The following SIX5 variants were observed in gnomAD, a reference collection of about 807,000 sequenced individuals.
SIX5 encodes SIX homeobox 5, also known as homeobox protein SIX5.
A neutral mutation model predicts 37.1 loss-of-function variants in SIX5; 21 were observed. That is an observed-to-expected ratio of 0.57 (90% CI 0.40 to 0.81). SIX5 has a LOEUF of 0.81. Among genes scored for constraint, SIX5 ranks in the 40% least tolerant of loss-of-function variants. The probability of loss-of-function intolerance (pLI) is 0.00; values close to 1 mark genes in which losing one functional copy is unlikely to be tolerated. For synonymous variants in SIX5, 626 were observed against 505.9 expected (o/e 1.24, Z -3.19); for missense variants, 1,137 against 1,025.1 (o/e 1.11, Z -1.49).
chr19:45,767,264 TC>T, intron 1 of SIX5, 109 bp from the exon 2 acceptor site: 2 of 1,189,250 alleles, frequency 1.7e-6, no homozygotes, highest in African/African-American at 1.5e-5. Context: ...GGTGGATCAT[TC>T]CAGGGGTTAT....
chr19:45,765,437 C>G lies in SIX5; in HGVS notation c.*64G>C, dbSNP rs1011651283. On this transcript the variant is annotated 3_prime_UTR_variant, in exon 3 of 3. Coordinates refer to ENST00000317578, the MANE Select transcript of SIX5 (RefSeq NM_175875.5). ...AGCAACCGCATTTCTGGGGCTCCCCCCTCCCATTCCTGTCCCTGCGTCTTC... is the reference window on the plus strand; with the variant it reads ...AGCAACCGCATTTCTGGGGCTCCCCGCTCCCATTCCTGTCCCTGCGTCTTC... 9.9e-6 allele frequency: 16 copies of G among 1,609,464 alleles called. No individual in the cohort carries two copies. The highest frequency in any genetic ancestry group is 5.0e-5 in the Admixed American group (3 of 60,000).
rs561325897 is a variant in SIX5 at position 45,767,012 on chromosome 19, G to C, written c.947C>G (p.Pro316Arg). ...GTTCACCAGGATGGAGGAGGAAGCCGGGCAAGGCGCGGGAGGGCCGGTCCC... is the reference window on the plus strand; with the variant it reads ...GTTCACCAGGATGGAGGAGGAAGCCCGGCAAGGCGCGGGAGGGCCGGTCCC... ...LAGTGPPAPCPASSSILVNGS... is the reference protein window; with the variant it reads ...LAGTGPPAPCRASSSILVNGS... The change falls in exon 2 of 3, where the codon CCG becomes CGG. Residue 316 changes from proline (P) to arginine (R), a missense_variant. Physicochemically the swap from Pro to Arg is moderately radical, Grantham distance 103. Coordinates refer to ENST00000317578, the MANE Select transcript of SIX5 (RefSeq NM_175875.5). 1.8e-5 allele frequency: 29 copies of C among 1,607,566 alleles called. No individual in the cohort carries two copies. The highest frequency in any genetic ancestry group is 1.3e-4 in the East Asian group (6 of 44,752).
chr19:45,768,597 C>G lies in SIX5; in HGVS notation c.248G>C (p.Gly83Ala). 1 of 1,325,978 alleles carries G rather than the reference C, an allele frequency of 7.5e-7. No individual in the cohort carries two copies. The highest frequency in any genetic ancestry group is 9.5e-7 in the Non-Finnish European group (1 of 1,047,198). 82.1% of individuals were successfully genotyped at this position (1,325,978 alleles called of 1,614,324 possible). A position where few individuals can be genotyped will look rare whatever the true frequency, so the allele number is the denominator to read the frequency against. Residue 83 changes from glycine (G) to alanine (A), a missense_variant, in exon 1 of 3, where the codon GGC (glycine) becomes GCC (alanine). By Grantham distance (60) the Gly-to-Ala change is moderately conservative. Transcript: ENST00000317578. ...PPEAASEPPT[G>A]LRFSPEQVAC... is the part of the protein sequence containing the mutation. ...CACCTGCTCGGGCGAGAAGCGGAGG[C>G]CCGTGGGCGGTTCGGAAGCGGCCTC...
chr19:45,765,768 TG>T lies in SIX5; in HGVS notation c.1952del (p.Pro651HisfsTer5). 1.9e-6 allele frequency: 3 copies of T among 1,608,964 alleles called. No homozygotes were observed. ...CGGGTGACAACATCAGCCCCTCTGG[TG>T]GGGGCGCCGGGAAGTTGGGCAGGAG... ...PGLLPNFPAP[P>X]PEGLMLSPAA... On this transcript the variant is annotated frameshift_variant, in exon 3 of 3. Transcript: ENST00000317578. LOFTEE classifies it high-confidence loss of function.
In SIX5 at chr19:45,768,543, G is replaced by A; in HGVS notation, c.302C>T (p.Ala101Val). Residue 101 changes from alanine (A) to valine (V), a missense_variant, in exon 1 of 3, where the codon GCG becomes GTG. Ala to Val is a moderately conservative substitution (Grantham distance 64). This residue lies in a region of SIX5 where 331 missense variants were observed against 360.9 expected (regional missense o/e 0.92). Coordinates refer to ENST00000317578, the MANE Select transcript of SIX5 (RefSeq NM_175875.5). ...VACVCEALLQ[A>V]GHAGRLSRFL... is the part of the protein sequence containing the mutation. ...GCGGCTCAAGCGGCCGGCGTGGCCC[G>A]CCTGGAGCAGCGCCTCGCAGACGCA... 5.0e-6 allele frequency: 7 copies of A among 1,405,732 alleles called. No homozygotes were observed. The highest frequency in any genetic ancestry group is 5.5e-6 in the Non-Finnish European group (6 of 1,089,892). 87.1% of individuals were successfully genotyped at this position (1,405,732 alleles called of 1,614,324 possible). A position where few individuals can be genotyped will look rare whatever the true frequency, so the allele number is the denominator to read the frequency against.
Position 45,768,264 on chromosome 19 carries a change from A to T in SIX5, c.581T>A (p.Leu194Gln). Residue 194 changes from leucine to glutamine, a missense_variant, in exon 1 of 3, where the codon CTG becomes CAG. Leu to Gln is a moderately radical substitution (Grantham distance 113, BLOSUM62 -2). Around this residue, in one of 3 missense-constraint regions of SIX5, gnomAD observed 331 missense variants for 360.9 expected, o/e 0.92. Transcript: ENST00000317578. ...CTCGCCGTCCCAGATGGTCTTGGGC[A>T]GCGGGAACTTCTTGCGCAGTCGATA... ...DKYRLRKKFPLPKTIWDGEET... is the reference protein window; with the variant it reads ...DKYRLRKKFPQPKTIWDGEET... The T allele has an allele frequency of 6.2e-7, 1 of 1,612,916 alleles. No individual in the cohort carries two copies. The highest frequency in any genetic ancestry group is 8.5e-7 in the Non-Finnish European group (1 of 1,179,672).
chr19:45,766,586 G>T lies in SIX5; in HGVS notation c.1373C>A (p.Pro458Gln). 1 of 1,469,918 alleles carries T rather than the reference G, an allele frequency of 6.8e-7. No individual in the cohort carries two copies. The highest frequency in any genetic ancestry group is 2.4e-5 in the Admixed American group (1 of 40,978). The allele number at this position is 1,469,918 out of a possible 1,614,324, so 91.1% of individuals were successfully genotyped here. A position where few individuals can be genotyped will look rare whatever the true frequency, so the allele number is the denominator to read the frequency against. The change falls in exon 2 of 3, where the codon CCA (proline) becomes CAA (glutamine). Residue 458 changes from proline to glutamine, a missense_variant. This residue lies in a region of SIX5 where 787 missense variants were observed against 621.4 expected (regional missense o/e 1.27). Coordinates refer to ENST00000317578, the MANE Select transcript of SIX5 (RefSeq NM_175875.5). ...VAAPQVVPLS[P>Q]PPGYPTGLSP... is the part of the protein sequence containing the mutation. ...CAGGCCCGTGGGATACCCCGGGGGT[G>T]GGGAGAGCGGTACCACTTGTGGGGC...
At position 45,766,580 on chromosome 19, in the gene SIX5, G is replaced by A. The variant is rs773681235; in HGVS notation, c.1379C>T (p.Pro460Leu). Residue 460 changes from proline (P) to leucine (L), a missense_variant, in exon 2 of 3, where the codon CCG (proline) becomes CTG (leucine). Physicochemically the swap from Pro to Leu is moderately conservative, Grantham distance 98. Coordinates refer to ENST00000317578, the MANE Select transcript of SIX5 (RefSeq NM_175875.5). Reference sequence around the variant, plus strand: ...GGGGCTCAGGCCCGTGGGATACCCCGGGGGTGGGGAGAGCGGTACCACTTG... The same window carrying A: ...GGGGCTCAGGCCCGTGGGATACCCCAGGGGTGGGGAGAGCGGTACCACTTG... Reference protein sequence around the residue: ...APQVVPLSPPPGYPTGLSPTS... With the variant: ...APQVVPLSPPLGYPTGLSPTS... 74 of 1,470,950 alleles carry A rather than the reference G, an allele frequency of 5.0e-5. No homozygotes were observed. Among genetic ancestry groups the A allele is most frequent in the African/African-American group, 9.9e-5 (7 of 70,850 alleles). The allele number at this position is 1,470,950 out of a possible 1,614,324, so 91.1% of individuals were successfully genotyped here.
intron 1 of SIX5, chr19:45,767,793 T>G: frequency 1.2e-4 from 63 of 544,478 alleles, no homozygotes; most frequent in Middle Eastern, 5.0e-4. Context: ...CCAACACCGA[T>G]GGGATTTGGG....
At position 45,767,038 on chromosome 19, in the gene SIX5, T is replaced by C. The variant is rs1969092428; in HGVS notation, c.921A>G (p.Ala307=). Reference sequence around the variant, plus strand: ...GGCAAGGCGCGGGAGGGCCGGTCCCTGCCAGGAATATGGAGCCCTGGGCAG... The same window carrying C: ...GGCAAGGCGCGGGAGGGCCGGTCCCCGCCAGGAATATGGAGCCCTGGGCAG... ...EAAAQGSIFL[A]GTGPPAPCPA... Residue 307 remains alanine, a synonymous_variant, in exon 2 of 3, where the codon GCA becomes GCG. Coordinates refer to ENST00000317578, the MANE Select transcript of SIX5 (RefSeq NM_175875.5). 6.2e-7 allele frequency: 1 copy of C among 1,609,950 alleles called. No homozygotes were observed.
chr19:45,766,689 G>A lies in SIX5; in HGVS notation c.1270C>T (p.Pro424Ser), dbSNP rs1461757376. Residue 424 changes from proline (P) to serine (S), a missense_variant, in exon 2 of 3, where the codon CCC (proline) becomes TCC (serine). Pro to Ser is a moderately conservative substitution (Grantham distance 74). Around this residue, in one of 3 missense-constraint regions of SIX5, gnomAD observed 787 missense variants for 621.4 expected, o/e 1.27. Transcript: ENST00000317578. Reference protein sequence around the residue: ...GPALGEEVLGPLAQVVPGPPT... With the variant: ...GPALGEEVLGSLAQVVPGPPT... ...GGGCCAGGCACCACTTGGGCCAGGGGCCCCAGGACCTCCTCTCCAAGGGCT... is the reference window on the plus strand; with the variant it reads ...GGGCCAGGCACCACTTGGGCCAGGGACCCCAGGACCTCCTCTCCAAGGGCT... 2 of 1,517,056 alleles carry A rather than the reference G, an allele frequency of 1.3e-6. No individual in the cohort carries two copies. The highest frequency in any genetic ancestry group is 2.5e-5 in the East Asian group (1 of 40,684). The allele number at this position is 1,517,056 out of a possible 1,614,324, so 94.0% of individuals were successfully genotyped here. A position where few individuals can be genotyped will look rare whatever the true frequency, so the allele number is the denominator to read the frequency against.
At position 45,768,263 on chromosome 19, in the gene SIX5, C is replaced by T. The variant is rs1164466191; in HGVS notation, c.582G>A (p.Leu194=). 1 of 1,612,896 alleles carries T rather than the reference C, an allele frequency of 6.2e-7. No individual in the cohort carries two copies. Among genetic ancestry groups the T allele is most frequent in the Non-Finnish European group, 8.5e-7 (1 of 1,179,668 alleles). The part of the protein sequence containing the change: ...DKYRLRKKFP[L]PKTIWDGEET... The stretch of plus-strand genomic sequence containing the variant: ...CCTCGCCGTCCCAGATGGTCTTGGG[C>T]AGCGGGAACTTCTTGCGCAGTCGAT... The change falls in exon 1 of 3, where the codon CTG becomes CTA. Residue 194 remains leucine (L), a synonymous_variant. Coordinates refer to ENST00000317578, the MANE Select transcript of SIX5 (RefSeq NM_175875.5).
intron 1 of SIX5, 62 bp from the exon 2 acceptor site, chr19:45,767,217 G>A: frequency 6.5e-7 from 1 of 1,533,622 alleles, no homozygotes; most frequent in South Asian, 1.2e-5. Flanking sequence ...CGCATAGCCA[G>A]CCAGCTGCTC....
Position 45,766,895 on chromosome 19 carries a change from C to A in SIX5, c.1064G>T (p.Ser355Ile). 2 of 1,551,568 alleles carry A rather than the reference C, an allele frequency of 1.3e-6. No individual in the cohort carries two copies. The highest frequency in any genetic ancestry group is 1.7e-6 in the Non-Finnish European group (2 of 1,150,986). ...INGLALGEASSLGPLLLTGGG... is the reference protein window; with the variant it reads ...INGLALGEASILGPLLLTGGG... ...CCCAGTGAGCAGCAGCGGGCCCAGG[C>A]TGGAGGCCTCGCCCAGGGCCAGGCC... The change falls in exon 2 of 3, where the codon AGC becomes ATC. Residue 355 changes from serine to isoleucine, a missense_variant. By Grantham distance (142) the Ser-to-Ile change is moderately radical. Coordinates refer to ENST00000317578, the MANE Select transcript of SIX5 (RefSeq NM_175875.5).
At position 45,767,065 on chromosome 19, in the gene SIX5, G is replaced by A. The variant is rs1405821307; in HGVS notation, c.894C>T (p.Ala298=). The part of the protein sequence containing the change: ...ERGAAPVSAE[A]AAQGSIFLAG... ...CCAGGAATATGGAGCCCTGGGCAGCGGCCTCGGCGGACACTGGGGCCGCCC... is the reference window on the plus strand; with the variant it reads ...CCAGGAATATGGAGCCCTGGGCAGCAGCCTCGGCGGACACTGGGGCCGCCC... The change falls in exon 2 of 3, where the codon GCC becomes GCT. Residue 298 remains alanine (A), a synonymous_variant. Coordinates refer to ENST00000317578, the MANE Select transcript of SIX5 (RefSeq NM_175875.5). 7 of 1,608,664 alleles carry A rather than the reference G, an allele frequency of 4.4e-6. No homozygotes were observed. In the Admixed American group the frequency reaches 1.0e-4, roughly 23 times the overall value.
At position 45,766,793 on chromosome 19, in the gene SIX5, T is replaced by C. The variant is rs747732020; in HGVS notation, c.1166A>G (p.Gln389Arg). The C allele has an allele frequency of 3.8e-5, 60 of 1,574,086 alleles. No homozygotes were observed. The highest frequency in any genetic ancestry group is 5.1e-5 in the Non-Finnish European group (59 of 1,163,146). The change falls in exon 2 of 3, where the codon CAG (glutamine) becomes CGG (arginine). Residue 389 changes from glutamine to arginine, a missense_variant. This residue lies in a region of SIX5 where 787 missense variants were observed against 621.4 expected (regional missense o/e 1.27). Coordinates refer to ENST00000317578, the MANE Select transcript of SIX5 (RefSeq NM_175875.5). ...ETKTSLVLDP[Q>R]TGEVRLEEAQ... The stretch of plus-strand genomic sequence containing the variant: ...CTCCTCCAGCCGCACCTCCCCTGTC[T>C]GAGGGTCCAGGACCAGAGAGGTCTT...
In SIX5 at chr19:45,768,540, C is replaced by T; in HGVS notation, c.305G>A (p.Gly102Asp). Residue 102 changes from glycine (G) to aspartate (D), a missense_variant, in exon 1 of 3, where the codon GGC (glycine) becomes GAC (aspartate). Coordinates refer to ENST00000317578, the MANE Select transcript of SIX5 (RefSeq NM_175875.5). ...ACVCEALLQAGHAGRLSRFLG... is the reference protein window; with the variant it reads ...ACVCEALLQADHAGRLSRFLG... ...GAAGCGGCTCAAGCGGCCGGCGTGG[C>T]CCGCCTGGAGCAGCGCCTCGCAGAC... is the stretch of plus-strand genomic sequence containing the variant. The T allele has an allele frequency of 1.4e-6, 2 of 1,419,232 alleles. No individual in the cohort carries two copies. The highest frequency in any genetic ancestry group is 1.5e-5 in the South Asian group (1 of 65,924). The allele number at this position is 1,419,232 out of a possible 1,614,324, so 87.9% of individuals were successfully genotyped here.
At chr19:45,767,846 G>A (rs1297431134) in intron 1 of SIX5, 196 bp downstream of exon 1, 1 of 598,272 alleles carries the variant, frequency 1.7e-6, no homozygotes, top group Non-Finnish European at 2.9e-6. Flanking sequence ...GACGCGTGCG[G>A]GGAGAGGGCC....
Position 45,768,799 on chromosome 19 carries a change from C to T in SIX5, c.46G>A (p.Gly16Arg). ...AEPSAGPAAG[G>R]EAVAAAAATE... Reference sequence around the variant, plus strand: ...GCCGCCGCCGCCGCCACCGCCTCCCCCCCAGCCGCCGGCCCCGCGCTCGGC... The same window carrying T: ...GCCGCCGCCGCCGCCACCGCCTCCCTCCCAGCCGCCGGCCCCGCGCTCGGC... The change falls in exon 1 of 3, where the codon GGG (glycine) becomes AGG (arginine). Residue 16 changes from glycine to arginine, a missense_variant. Gly to Arg is a moderately radical substitution (Grantham distance 125, BLOSUM62 -2). Coordinates refer to ENST00000317578, the MANE Select transcript of SIX5 (RefSeq NM_175875.5). The T allele has an allele frequency of 6.5e-7, 1 of 1,530,100 alleles. No homozygotes were observed. Among genetic ancestry groups the T allele is most frequent in the Non-Finnish European group, 8.7e-7 (1 of 1,144,370 alleles). 94.8% of individuals were successfully genotyped at this position (1,530,100 alleles called of 1,614,324 possible). A position where few individuals can be genotyped will look rare whatever the true frequency, so the allele number is the denominator to read the frequency against.
Sources: allele counts gnomAD v4.1 joint callset, GRCh38; gene constraint gnomAD v4.1.1; regional missense constraint gnomAD v4.1.1; transcripts MANE v1.5; gene names NCBI Gene and HGNC (gene_info 2026-07-23, HGNC 2026-07-21).